Variants in CD58 observed in about 807,000 individuals in gnomAD.
CD58 encodes the protein lymphocyte function-associated antigen 3.
Under a neutral mutation model 27.6 loss-of-function variants are expected in CD58, and 14 were observed. That is an observed-to-expected ratio of 0.51 (90% CI 0.34 to 0.79). The LOEUF (loss-of-function observed/expected upper bound fraction) is 0.79, where lower values mean the gene tolerates loss of function less well. CD58 is among the 30% of genes least tolerant of loss of function. CD58 has a pLI of 0.02. For missense variants in CD58, 268 were observed against 301.7 expected (o/e 0.89, Z 0.83); for synonymous variants, 117 against 103.8 (o/e 1.13, Z -0.77).
Position 116,563,761 on chromosome 1 carries a change from G to A in CD58, c.70+7142C>T, listed in dbSNP as rs1270673539. Among the ~76,000 whole-genome samples the A allele has an allele frequency of 1.3e-5, 2 of 152,172 alleles. No homozygotes were observed. Among genetic ancestry groups the A allele is most frequent in the Non-Finnish European group, 2.9e-5 (2 of 68,028 alleles). ...GGCTGCAAAGAGCAGGGGGGCCCTG[G>A]GTCCAGCCCATGAAACAATTTTTCC... On this transcript the variant is annotated intron_variant, in intron 1 of 5. Transcript: ENST00000369489. The surrounding 1 kb of genome is among the most constrained non-coding windows in gnomAD (Gnocchi z 4.1).
At chr1:116,520,151 G>A (rs1296559479) in intron 4 of CD58, among the ~76,000 whole-genome samples, 2 of 152,178 alleles carry the variant, frequency 1.3e-5, no homozygotes, top group Admixed American at 1.3e-4. Context: ...TTTTGAGACA[G>A]GGTCTCACTC....
chr1:116,569,598 C>CT (rs35150803), intron 1 of CD58, among the ~76,000 whole-genome samples: 2,688 of 110,896 alleles, frequency 0.024, 57 homozygotes, highest in East Asian at 0.065. Context: ...CACAGCTCAC[C>CT]TTTTTTTTTT....
rs1313490633 is a variant in CD58, at chr1:116,559,392, G to A, written c.70+11511C>T. On this transcript the variant is annotated intron_variant, in intron 1 of 5. Coordinates refer to ENST00000369489, the MANE Select transcript of CD58 (RefSeq NM_001779.3). This position sits in a 1 kb window ranked among gnomAD's most constrained non-coding sequence, Gnocchi z 4.4. ...GACTGCATTCACTCAGCTAGCAAGG[G>A]GCAGAGCTGGTGTCCAGACACAGGC... Among the ~76,000 whole-genome samples, 1 of 152,178 alleles carries A rather than the reference G, an allele frequency of 6.6e-6. No individual in the cohort carries two copies. Among genetic ancestry groups the A allele is most frequent in the Non-Finnish European group, 1.5e-5 (1 of 68,024 alleles).
At chr1:116,543,845 C>T (rs923647465) in intron 2 of CD58, among the ~76,000 whole-genome samples, 2 of 152,098 alleles carry the variant, frequency 1.3e-5, no homozygotes, top group Admixed American at 6.6e-5. Context: ...TCACTTTGAA[C>T]CTGGGAGGCA....
chr1:116,561,673 A>T (rs536326341), intron 1 of CD58, among the ~76,000 whole-genome samples: 1 of 152,360 alleles, frequency 6.6e-6, no homozygotes, highest in East Asian at 1.9e-4. Context: ...TCATCTTCAA[A>T]AAGTTGCTTA....
chr1:116,568,774 T>C (rs1377007198), intron 1 of CD58, among the ~76,000 whole-genome samples: 2 of 152,236 alleles, frequency 1.3e-5, no homozygotes, highest in East Asian at 3.8e-4. Flanking sequence ...GTGAAGGTAC[T>C]GAAGTGAAGA....
In CD58 at chr1:116,521,882, T is replaced by C; in HGVS notation, c.706+24A>G. 8.1e-7 allele frequency: 1 copy of C among 1,236,736 alleles called. No homozygotes were observed. Among genetic ancestry groups the C allele is most frequent in the Middle Eastern group, 2.0e-4 (1 of 4,896 alleles). 76.6% of individuals were successfully genotyped at this position (1,236,736 alleles called of 1,614,324 possible). A position where few individuals can be genotyped will look rare whatever the true frequency, so the allele number is the denominator to read the frequency against. ...GAAAACAATGCAAGTTTTCAAACTA[T>C]TTTGTTTTAAAAAGCATACATACCA... On this transcript the variant is annotated intron_variant, in intron 4 of 5. Coordinates refer to ENST00000369489, the MANE Select transcript of CD58 (RefSeq NM_001779.3). This position sits in a 1 kb window ranked among gnomAD's most constrained non-coding sequence, Gnocchi z 5.6.
At chr1:116,545,895 A>G (rs1658152448) in intron 1 of CD58, among the ~76,000 whole-genome samples, 1 of 152,236 alleles carries the variant, frequency 6.6e-6, no homozygotes, top group Non-Finnish European at 1.5e-5. Flanking sequence ...AGAGAACAGC[A>G]GCTGGGTCCT....
rs1231116256 is a variant in CD58 at position 116,557,201 on chromosome 1, C to CA, written c.71-12598dup. Reference sequence around the variant, plus strand: ...TTCCTGACAGAATAGCAAAATTTGACAGTCACCCCAAACCCTGGGCTTTGT... The same window carrying CA: ...TTCCTGACAGAATAGCAAAATTTGACAAGTCACCCCAAACCCTGGGCTTTGT... On this transcript the variant is annotated intron_variant, in intron 1 of 5. Coordinates refer to ENST00000369489, the MANE Select transcript of CD58 (RefSeq NM_001779.3). This position sits in a 1 kb window ranked among gnomAD's most constrained non-coding sequence, Gnocchi z 5.2. Among the ~76,000 whole-genome samples, 1 of 152,206 alleles carries CA rather than the reference C, an allele frequency of 6.6e-6. No individual in the cohort carries two copies. Among genetic ancestry groups the CA allele is most frequent in the Non-Finnish European group, 1.5e-5 (1 of 68,028 alleles).
intron 2 of CD58, among the ~76,000 whole-genome samples, chr1:116,543,481 T>C (rs1167617597): frequency 6.8e-6 from 1 of 147,408 alleles, no homozygotes; most frequent in Non-Finnish European, 1.5e-5. Flanking sequence ...ACAATGAAAA[T>C]GAGGCAGGCC....
chr1:116,548,716 T>C (rs1386184063), intron 1 of CD58, among the ~76,000 whole-genome samples: 2 of 150,392 alleles, frequency 1.3e-5, no homozygotes, highest in Non-Finnish European at 3.0e-5. Context: ...AATTGCCATG[T>C]TGTTCAAGGG....
intron 1 of CD58, among the ~76,000 whole-genome samples, chr1:116,556,255 GAAAAAAAAAA>G (rs1158092746): frequency 1.2e-3 from 37 of 29,826 alleles, no homozygotes; most frequent in East Asian, 2.2e-3. Context: ...CTCCATCTCA[GAAAAAAAAAA>G]AAAAAAAAAA....
chr1:116,540,440 C>T (rs1217212693), intron 2 of CD58, among the ~76,000 whole-genome samples: 1 of 152,148 alleles, frequency 6.6e-6, no homozygotes, highest in East Asian at 1.9e-4. Context: ...CCAAAACCTA[C>T]ATCTTGCAGA....
intron 1 of CD58, among the ~76,000 whole-genome samples, chr1:116,549,542 T>A (rs1354700596): frequency 2.0e-5 from 3 of 151,172 alleles, no homozygotes; most frequent in Non-Finnish European, 3.0e-5. Context: ...CATAGAAGAG[T>A]TTCAAACAGG....
rs1300561148 is a variant in CD58 at position 116,559,310 on chromosome 1, G to C, written c.70+11593C>G. The stretch of plus-strand genomic sequence containing the variant: ...GCTGGACACTTGGTTGATAGAGAAG[G>C]TCAAAGATTCCGAAGCACCAGGCTA... On this transcript the variant is annotated intron_variant, in intron 1 of 5. Transcript: ENST00000369489. This position sits in a 1 kb window ranked among gnomAD's most constrained non-coding sequence, Gnocchi z 4.4. 2.6e-5 allele frequency among the ~76,000 whole-genome samples: 4 copies of C among 152,138 alleles called. No individual in the cohort carries two copies. The highest frequency in any genetic ancestry group is 9.7e-5 in the African/African-American group (4 of 41,436).
chr1:116,536,258 G>A lies in CD58; in HGVS notation c.365-30C>T. On this transcript the variant is annotated intron_variant, in intron 2 of 5. Transcript: ENST00000369489. This position sits in a 1 kb window ranked among gnomAD's most constrained non-coding sequence, Gnocchi z 5.4. ...AAAAAAAAGTATAATATTTAGTACA[G>A]AAAATAGTAATATTTAGACTTATCA... is the stretch of plus-strand genomic sequence containing the variant. 6.5e-7 allele frequency: 1 copy of A among 1,539,060 alleles called. No individual in the cohort carries two copies. The highest frequency in any genetic ancestry group is 8.8e-7 in the Non-Finnish European group (1 of 1,131,148).
chr1:116,524,903 T>G lies in CD58; in HGVS notation c.629-2920A>C, dbSNP rs998134949. On this transcript the variant is annotated intron_variant, in intron 3 of 5. Coordinates refer to ENST00000369489, the MANE Select transcript of CD58 (RefSeq NM_001779.3). The surrounding 1 kb of genome is among the most constrained non-coding windows in gnomAD (Gnocchi z 4.6). ...TCATGGCTTAGTAAGTTAGCTTCACTTGGCTTTAAATATTTTGAGTTTCAG... is the reference window on the plus strand; with the variant it reads ...TCATGGCTTAGTAAGTTAGCTTCACGTGGCTTTAAATATTTTGAGTTTCAG... Among the ~76,000 whole-genome samples the G allele has an allele frequency of 6.6e-6, 1 of 152,250 alleles. No individual in the cohort carries two copies. Among genetic ancestry groups the G allele is most frequent in the African/African-American group, 2.4e-5 (1 of 41,462 alleles).
intron 1 of CD58, among the ~76,000 whole-genome samples, chr1:116,547,074 T>C (rs1285554828): frequency 6.6e-6 from 1 of 151,772 alleles, no homozygotes. Context: ...AAGTTTTTTT[T>C]TTTTTTTTAG....
chr1:116,568,055 CAAAAAAA>C (rs34531651), intron 1 of CD58, among the ~76,000 whole-genome samples: 1 of 81,718 alleles, frequency 1.2e-5, no homozygotes, highest in African/African-American at 4.3e-5. Context: ...CTTAAAGTAC[CAAAAAAA>C]AAAAAAAAAA....
Sources: gnomAD v4.1 joint callset for allele counts (sites outside exome capture counted in the v4.1 genomes callset) on GRCh38, gnomAD v4.1.1 for gene constraint, Gnocchi (gnomAD v3.1) non-coding constraint, MANE v1.5 for transcripts, NCBI Gene and HGNC (gene_info 2026-07-23, HGNC 2026-07-21) for gene names.